Variants in SLC4A8 observed in about 807,000 individuals in gnomAD.
SLC4A8 encodes the protein electroneutral sodium bicarbonate exchanger 1.
Under a neutral mutation model 125.0 loss-of-function variants are expected in SLC4A8, and 40 were observed. The observed-to-expected ratio is 0.32, with a 90% CI of 0.25 to 0.42. SLC4A8 has a LOEUF of 0.42. SLC4A8 is among the 10% of genes least tolerant of loss of function. SLC4A8 has a pLI of 1.00. For missense variants in SLC4A8, 863 were observed against 1,355.1 expected (o/e 0.64, Z 5.70); for synonymous variants, 456 against 476.0 (o/e 0.96, Z 0.55).
chr12:51,418,084 C>T lies in SLC4A8; in HGVS notation c.-111-22624C>T, dbSNP rs117764743. Among the ~76,000 whole-genome samples, 1,058 of 152,182 alleles carry T rather than the reference C, an allele frequency of 7.0e-3. 6 individuals are homozygous for T. The highest frequency in any genetic ancestry group is 9.6e-3 in the Non-Finnish European group (654 of 68,010). On this transcript the variant is annotated intron_variant, in intron 1 of 24. Coordinates refer to the SLC4A8 transcript ENST00000358657. ...ATGCCCTGTCTCAGAAAGATAAGAA[C>T]GAGGGAAGAGATCATAATGGGCTAC...
intron 2 of SLC4A8, among the ~76,000 whole-genome samples, chr12:51,442,241 T>C (rs1034792075): frequency 7.2e-5 from 11 of 152,192 alleles, no homozygotes; most frequent in African/African-American, 2.7e-4. Flanking sequence ...AACCTCAATA[T>C]CTTGCTCCAT....
At chr12:51,398,853 G>A (rs1171667520) in intron 1 of SLC4A8, among the ~76,000 whole-genome samples, 3 of 152,158 alleles carry the variant, frequency 2.0e-5, no homozygotes, top group African/African-American at 4.8e-5. Context: ...GGGTTCAAGC[G>A]ATTCTCCTGT....
intron 11 of SLC4A8, among the ~76,000 whole-genome samples, chr12:51,468,135 T>G (rs1272684013): frequency 6.6e-6 from 1 of 152,218 alleles, no homozygotes; most frequent in Non-Finnish European, 1.5e-5. Context: ...CTCTTTTTGT[T>G]ATTCACCTGA....
chr12:51,465,101 A>C (rs1369004025), intron 11 of SLC4A8, among the ~76,000 whole-genome samples: 1 of 152,174 alleles, frequency 6.6e-6, no homozygotes, highest in East Asian at 1.9e-4. Flanking sequence ...CCTGGTATTG[A>C]GAGGCAGTTC....
chr12:51,492,556 C>T (rs567611809), intron 19 of SLC4A8, among the ~76,000 whole-genome samples: 1 of 152,220 alleles, frequency 6.6e-6, no homozygotes, highest in Admixed American at 6.5e-5. Flanking sequence ...TTTCCCCTAG[C>T]TGCTTCAGGA....
intron 11 of SLC4A8, among the ~76,000 whole-genome samples, chr12:51,467,742 G>C (rs768848029): frequency 6.6e-6 from 1 of 152,004 alleles, no homozygotes; most frequent in Non-Finnish European, 1.5e-5. Flanking sequence ...CCAACATTTT[G>C]CCAATCTTGT....
Position 51,470,520 on chromosome 12 carries a change from C to G in SLC4A8, c.1653C>G (p.Phe551Leu), listed in dbSNP as rs1950661261. 6.2e-7 allele frequency: 1 copy of G among 1,613,398 alleles called. No homozygotes were observed. The highest frequency in any genetic ancestry group is 8.5e-7 in the Non-Finnish European group (1 of 1,179,536). Residue 551 changes from phenylalanine (F) to leucine (L), a missense_variant, in exon 13 of 25, where the codon TTC (phenylalanine) becomes TTG (leucine). Phe to Leu is a conservative substitution (Grantham distance 22). This residue lies in a region of SLC4A8 where 390 missense variants were observed against 634.4 expected (regional missense o/e 0.61). Transcript: ENST00000453097. Reference sequence around the variant, plus strand: ...TGTTTGAAAAGATTTTGTTCAAATTCTGCAAGTAAGACATTTGTTTTTCTG... The same window carrying G: ...TGTTTGAAAAGATTTTGTTCAAATTGTGCAAGTAAGACATTTGTTTTTCTG... ...VLVFEKILFK[F>L]CKDYALSYLS...
At chr12:51,414,011 T>G (rs938062262) in intron 1 of SLC4A8, among the ~76,000 whole-genome samples, 1 of 152,190 alleles carries the variant, frequency 6.6e-6, no homozygotes. Context: ...TTGTTTTGGG[T>G]AGTATGGTCA....
In SLC4A8 at chr12:51,486,578, C is replaced by G. The variant is rs1951168421; in HGVS notation, c.2286+678C>G. ...AGTTTGGGAGCACTGACTAAGTAGA[C>G]AAAGAAGATAGAAAAGCTGAGCTCA... On this transcript the variant is annotated intron_variant, in intron 17 of 24. Coordinates refer to ENST00000453097, the MANE Select transcript of SLC4A8 (RefSeq NM_001039960.3). Among the ~76,000 whole-genome samples the G allele has an allele frequency of 6.6e-5, 10 of 152,068 alleles. 1 individual carries two copies. Among genetic ancestry groups the G allele is most frequent in the Admixed American group, 6.5e-4 (10 of 15,282 alleles).
chr12:51,481,541 C>G (rs952404294), intron 16 of SLC4A8, among the ~76,000 whole-genome samples: 1 of 152,078 alleles, frequency 6.6e-6, no homozygotes, highest in Non-Finnish European at 1.5e-5. Flanking sequence ...CACATCAGTA[C>G]AGGCCTTCTG....
intron 14 of SLC4A8, 22 bp downstream of exon 14, chr12:51,471,554 T>G: frequency 6.2e-7 from 1 of 1,605,724 alleles, no homozygotes; most frequent in Non-Finnish European, 8.5e-7. Context: ...TTCTGCTTAT[T>G]TTTAAAAATT....
chr12:51,403,172 G>A (rs1016448074), intron 1 of SLC4A8: 4 of 456,666 alleles, frequency 8.8e-6, no homozygotes, highest in Non-Finnish European at 1.8e-5. Context: ...TGTTCAACAA[G>A]AACAACAGCA....
intron 1 of SLC4A8, among the ~76,000 whole-genome samples, chr12:51,398,570 AAAG>A (rs1948311206): frequency 6.6e-6 from 1 of 152,216 alleles, no homozygotes; most frequent in African/African-American, 2.4e-5. Context: ...TCTCTCTTTA[AAAG>A]AAGAAACATA....
intron 1 of SLC4A8, among the ~76,000 whole-genome samples, chr12:51,435,555 C>G (rs924880113): frequency 6.6e-6 from 1 of 152,032 alleles, no homozygotes; most frequent in African/African-American, 2.4e-5. Context: ...CTTAGGAGTT[C>G]GAGACCAGCC....
intron 2 of SLC4A8, among the ~76,000 whole-genome samples, chr12:51,450,176 C>T (rs1413221076): frequency 1.3e-5 from 2 of 152,058 alleles, no homozygotes; most frequent in Non-Finnish European, 2.9e-5. Flanking sequence ...CAACTAGTCT[C>T]TTTTAGTACT....
intron 1 of SLC4A8, among the ~76,000 whole-genome samples, chr12:51,418,234 A>T (rs1489811515): frequency 1.3e-5 from 2 of 152,214 alleles, no homozygotes; most frequent in African/African-American, 4.8e-5. Flanking sequence ...TGGGGCTGCC[A>T]GCCTCATTCG....
rs1413865924 is a variant in SLC4A8, at chr12:51,509,016, G to T, written c.*1578G>T. 1 of 152,552 alleles carries T rather than the reference G, an allele frequency of 6.6e-6. No individual in the cohort carries two copies. The highest frequency in any genetic ancestry group is 1.5e-5 in the Non-Finnish European group (1 of 68,036). The allele number at this position is 152,552 out of a possible 1,614,324, so 9.4% of individuals were successfully genotyped here. On this transcript the variant is annotated 3_prime_UTR_variant, in exon 25 of 25. Coordinates refer to ENST00000453097, the MANE Select transcript of SLC4A8 (RefSeq NM_001039960.3). The stretch of plus-strand genomic sequence containing the variant: ...TATTTCATATTCCCTATCTCATAGG[G>T]CCACAATTATTTTAATACAGAGATG...
intron 20 of SLC4A8, chr12:51,494,508 T>A (rs1221056073): frequency 1.3e-5 from 2 of 152,444 alleles, no homozygotes; most frequent in Non-Finnish European, 2.9e-5. Flanking sequence ...TTTTCCTTAT[T>A]GTAAGGATGA....
intron 1 of SLC4A8, among the ~76,000 whole-genome samples, chr12:51,426,170 G>A (rs4761964): frequency 0.92 from 140,781 of 152,260 alleles, 65,148 homozygotes; most frequent in Non-Finnish European, 0.95. Context: ...AACAAAATGA[G>A]TATCAGACAC....
Sources: gnomAD v4.1 joint callset for allele counts (sites outside exome capture counted in the v4.1 genomes callset) on GRCh38, gnomAD v4.1.1 for gene constraint, gnomAD v4.1.1 regional missense constraint, MANE v1.5 for transcripts, NCBI Gene and HGNC (gene_info 2026-07-23, HGNC 2026-07-21) for gene names.